The following RYR3 variants were observed in gnomAD, a reference collection of about 807,000 sequenced individuals.
RYR3 encodes the protein brain ryanodine receptor-calcium release channel.
In RYR3, 207 loss-of-function variants were observed where a neutral mutation model predicts 584.3. That is an observed-to-expected ratio of 0.35 (90% CI 0.32 to 0.40). The LOEUF (loss-of-function observed/expected upper bound fraction) is 0.40. Among genes scored for constraint, RYR3 ranks in the 10% least tolerant of loss-of-function variants. The pLI is 1.00. For missense variants in RYR3, 5,616 were observed against 6,089.2 expected (o/e 0.92, Z 2.59); for synonymous variants, 2,416 against 2,248.5 (o/e 1.07, Z -2.11).
At chr15:33,825,753 A>G (rs72715190) in intron 82 of RYR3, 77 bp downstream of exon 82, 163,560 of 738,634 alleles carry the variant, frequency 0.22, 22,820 homozygotes, top group Admixed American at 0.28. Flanking sequence ...TTTTCCCCAT[A>G]CAGAGTTTCG....
At chr15:33,336,457 A>AAG (rs1339728412) in intron 1 of RYR3, among the ~76,000 whole-genome samples, 16 of 26,078 alleles carry the variant, frequency 6.1e-4, no homozygotes, top group African/African-American at 1.4e-3. Context: ...AGAGAGAGAG[A>AAG]GAGAGAGAGA....
At chr15:33,552,883 C>CTTA (rs1277961731) in intron 10 of RYR3, among the ~76,000 whole-genome samples, 5 of 152,172 alleles carry the variant, frequency 3.3e-5, no homozygotes, top group Non-Finnish European at 7.4e-5. Flanking sequence ...ACGGGCTTTC[C>CTTA]TTAAATGCAT....
At chr15:33,659,066 A>G (rs1472917910) in intron 32 of RYR3, among the ~76,000 whole-genome samples, 1 of 152,142 alleles carries the variant, frequency 6.6e-6, no homozygotes, top group East Asian at 1.9e-4. Flanking sequence ...AATGTTGGGA[A>G]CCATGTTGGT....
intron 67 of RYR3, among the ~76,000 whole-genome samples, chr15:33,790,861 C>G (rs12592679): frequency 0.16 from 24,741 of 151,932 alleles, 2,277 homozygotes; most frequent in East Asian, 0.34. Flanking sequence ...AGTAGGAAAG[C>G]CAACAGAATG....
chr15:33,382,131 C>G (rs1372345717), intron 1 of RYR3, among the ~76,000 whole-genome samples: 1 of 152,004 alleles, frequency 6.6e-6, no homozygotes, highest in Non-Finnish European at 1.5e-5. Flanking sequence ...TTTTGGGGAA[C>G]TGCAAGAAGC....
At chr15:33,718,496 G>T (rs1490780366) in intron 43 of RYR3, among the ~76,000 whole-genome samples, 1 of 152,202 alleles carries the variant, frequency 6.6e-6, no homozygotes. Flanking sequence ...CAAAGGAAGA[G>T]GACAGGGTGT....
Position 33,696,462 on chromosome 15 carries a change from A to G in RYR3, c.6105A>G (p.Glu2035=). 6.2e-7 allele frequency: 1 copy of G among 1,613,994 alleles called. No homozygotes were observed. The highest frequency in any genetic ancestry group is 8.5e-7 in the Non-Finnish European group (1 of 1,179,892). ...TCCTCAGTGTCAGGATGGGCAAGGA[A>G]GAGGAGTTGCTCATGATCAATGGGC... ...RSLLSVRMGK[E]EELLMINGLG... Residue 2035 remains glutamate (E), a synonymous_variant, in exon 39 of 104, where the codon GAA becomes GAG. Coordinates refer to ENST00000634891, the MANE Select transcript of RYR3 (RefSeq NM_001036.6).
chr15:33,602,140 C>A (rs537827800), intron 17 of RYR3, among the ~76,000 whole-genome samples: 1 of 152,328 alleles, frequency 6.6e-6, no homozygotes, highest in South Asian at 2.1e-4. Flanking sequence ...TAGGCCTACA[C>A]ACTAATCCAC....
In RYR3 at chr15:33,449,423, A is replaced by T. The variant is rs565613986; in HGVS notation, c.52-23996A>T. Among the ~76,000 whole-genome samples the T allele has an allele frequency of 2.0e-5, 3 of 152,180 alleles. No individual in the cohort carries two copies. In the South Asian group the frequency reaches 6.2e-4, roughly 32 times the overall value. The stretch of plus-strand genomic sequence containing the variant: ...CTTGTAACATAATCTTGGCAATGAC[A>T]TCGTGAATCAAGCCACTAGGTCCAG... On this transcript the variant is annotated intron_variant, in intron 1 of 103. Coordinates refer to ENST00000634891, the MANE Select transcript of RYR3 (RefSeq NM_001036.6).
At chr15:33,779,774 G>A (rs929383641) in intron 64 of RYR3, among the ~76,000 whole-genome samples, 1 of 151,984 alleles carries the variant, frequency 6.6e-6, no homozygotes, top group Non-Finnish European at 1.5e-5. Context: ...AGGCCGAGGC[G>A]GGCAGATCAC....
At chr15:33,492,936 T>C (rs1340216744) in intron 2 of RYR3, among the ~76,000 whole-genome samples, 4 of 152,134 alleles carry the variant, frequency 2.6e-5, no homozygotes, top group Non-Finnish European at 5.9e-5. Flanking sequence ...GCCTTGGTAA[T>C]AGAGAACAGC....
intron 60 of RYR3, among the ~76,000 whole-genome samples, chr15:33,763,024 T>C (rs1356594009): frequency 6.6e-6 from 1 of 152,214 alleles, no homozygotes; most frequent in Non-Finnish European, 1.5e-5. Context: ...GGGAAAGGAT[T>C]CTCTACTTAA....
In RYR3 at chr15:33,744,592, G is replaced by A. The variant is rs554473425; in HGVS notation, c.7900-1476G>A. ...ACATAGGAGTCCCTAATCCAGTACCGGGGGTCCAGGGACACCTCCCAGAGT... is the reference window on the plus strand; with the variant it reads ...ACATAGGAGTCCCTAATCCAGTACCAGGGGTCCAGGGACACCTCCCAGAGT... On this transcript the variant is annotated intron_variant, in intron 52 of 103. Transcript: ENST00000634891. Among the ~76,000 whole-genome samples, 143 of 152,262 alleles carry A rather than the reference G, an allele frequency of 9.4e-4. 1 individual carries two copies. In the South Asian group the frequency reaches 0.018, roughly 20 times the overall value.
chr15:33,842,413 T>C (rs1170036046), intron 91 of RYR3, among the ~76,000 whole-genome samples: 1 of 152,220 alleles, frequency 6.6e-6, no homozygotes, highest in African/African-American at 2.4e-5. Context: ...AGAATGTTCC[T>C]CTTATGTTAG....
intron 19 of RYR3, among the ~76,000 whole-genome samples, chr15:33,615,606 G>A (rs2060409745): frequency 6.6e-6 from 1 of 152,142 alleles, no homozygotes; most frequent in Non-Finnish European, 1.5e-5. Flanking sequence ...CTTTACTGAG[G>A]TTGAAAATCT....
intron 38 of RYR3, among the ~76,000 whole-genome samples, chr15:33,688,988 A>G (rs910668352): frequency 1.3e-5 from 2 of 152,152 alleles, no homozygotes; most frequent in Admixed American, 6.5e-5. Flanking sequence ...ATGTCCATCA[A>G]TGATAGACTA....
intron 36 of RYR3, among the ~76,000 whole-genome samples, chr15:33,666,159 C>T (rs185730276): frequency 5.3e-5 from 8 of 152,140 alleles, no homozygotes; most frequent in African/African-American, 1.9e-4. Context: ...CATGCACCAC[C>T]ATGACCAACT....
chr15:33,860,580 TATTTA>T lies in RYR3; in HGVS notation c.14300-13_14300-9del. On this transcript the variant is annotated splice_polypyrimidine_tract_variant and intron_variant, in intron 100 of 103. Coordinates refer to ENST00000634891, the MANE Select transcript of RYR3 (RefSeq NM_001036.6). ...CACTACACAGATTGCTTTGTCTTTGTATTTAACATTCCAGGTCTTATTATTGATGC... is the reference window on the plus strand; with the variant it reads ...CACTACACAGATTGCTTTGTCTTTGTACATTCCAGGTCTTATTATTGATGC... The T allele has an allele frequency of 6.4e-7, 1 of 1,551,064 alleles. No homozygotes were observed. Among genetic ancestry groups the T allele is most frequent in the African/African-American group, 1.4e-5 (1 of 73,980 alleles).
chr15:33,594,366 T>G (rs1468992019), intron 16 of RYR3, among the ~76,000 whole-genome samples: 3 of 152,234 alleles, frequency 2.0e-5, no homozygotes, highest in Non-Finnish European at 4.4e-5. Flanking sequence ...TTCCAAATTC[T>G]GGAGAAGTTA....
Sources: gnomAD v4.1 joint callset for allele counts (sites outside exome capture counted in the v4.1 genomes callset) on GRCh38, gnomAD v4.1.1 for gene constraint, MANE v1.5 for transcripts, NCBI Gene and HGNC (gene_info 2026-07-23, HGNC 2026-07-21) for gene names.